Variants in PDCD11 observed in about 807,000 individuals in gnomAD.
The protein encoded by PDCD11 is programmed cell death 11.
PDCD11 carries 97 observed loss-of-function variants against 198.9 expected under a neutral mutation model. That is an observed-to-expected ratio of 0.49 (90% confidence interval 0.41 to 0.58). The LOEUF is 0.58. Among genes scored for constraint, PDCD11 ranks in the 20% least tolerant of loss-of-function variants. The pLI, the probability that PDCD11 is intolerant of heterozygous loss-of-function variation, is 0.00. For synonymous variants in PDCD11, 893 were observed against 918.0 expected (o/e 0.97, Z 0.49); for missense variants, 2,102 against 2,312.7 (o/e 0.91, Z 1.87).
chr10:103,424,486 G>A (rs940807388), intron 19 of PDCD11, among the ~76,000 whole-genome samples: 1 of 152,184 alleles, frequency 6.6e-6, no homozygotes, highest in Non-Finnish European at 1.5e-5. Context: ...GCATATAAGA[G>A]CATGAGCACA....
In PDCD11 at chr10:103,406,053, C is replaced by T. The variant is rs867576358; in HGVS notation, c.633C>T (p.Thr211=). 1 of 1,614,140 alleles carries T rather than the reference C, an allele frequency of 6.2e-7. No individual in the cohort carries two copies. The highest frequency in any genetic ancestry group is 2.2e-5 in the East Asian group (1 of 44,890). Residue 211 remains threonine (T), a synonymous_variant, in exon 6 of 36, where the codon ACC becomes ACT. Transcript: ENST00000369797. ...TAGTGGACATTGGTGTTGATGGGAC[C>T]AGAGCTTTTCTGCCACTGCTGAAAG... The part of the protein sequence containing the change: ...GYLVDIGVDG[T]RAFLPLLKAQ...
intron 31 of PDCD11, 62 bp from the exon 32 acceptor site, chr10:103,442,151 C>T: frequency 1.3e-6 from 2 of 1,595,854 alleles, no homozygotes. Flanking sequence ...TGACTTCCAC[C>T]ACAGACCTCC....
Position 103,445,658 on chromosome 10 carries a change from T to A in PDCD11, c.*109T>A. ...CCTCAGGACTCTATTTAAATGCTGC[T>A]TTTTCTGCAGCACGCTTGGGGAAAT... is the stretch of plus-strand genomic sequence containing the variant. On this transcript the variant is annotated 3_prime_UTR_variant, in exon 36 of 36. Transcript: ENST00000369797. 1.2e-6 allele frequency: 1 copy of A among 833,406 alleles called. No homozygotes were observed. The highest frequency in any genetic ancestry group is 1.9e-6 in the Non-Finnish European group (1 of 538,504). 51.6% of individuals were successfully genotyped at this position (833,406 alleles called of 1,614,324 possible). A position where few individuals can be genotyped will look rare whatever the true frequency, so the allele number is the denominator to read the frequency against.
At position 103,419,656 on chromosome 10, in the gene PDCD11, A is replaced by G. The variant is rs962659052; in HGVS notation, c.2225A>G (p.Tyr742Cys). The G allele has an allele frequency of 3.1e-6, 5 of 1,614,164 alleles. No homozygotes were observed. Among genetic ancestry groups the G allele is most frequent in the African/African-American group, 1.3e-5 (1 of 75,048 alleles). ...GGTTTTGTGAAGAGCATCAAGGACT[A>G]TGGCGTGTTCATCCAGTTCCCCTCA... is the stretch of plus-strand genomic sequence containing the variant. ...LIGFVKSIKD[Y>C]GVFIQFPSGL... Residue 742 changes from tyrosine to cysteine, a missense_variant, in exon 16 of 36, where the codon TAT becomes TGT. Coordinates refer to ENST00000369797, the MANE Select transcript of PDCD11 (RefSeq NM_014976.2).
intron 25 of PDCD11, among the ~76,000 whole-genome samples, chr10:103,436,245 C>T (rs764395161): frequency 2.6e-5 from 4 of 151,998 alleles, no homozygotes; most frequent in Non-Finnish European, 2.9e-5. Flanking sequence ...GGATTACAGG[C>T]GTTGTGTCAC....
intron 32 of PDCD11, 132 bp downstream of exon 32, chr10:103,442,592 C>T (rs2133755403): frequency 1.1e-6 from 1 of 881,462 alleles, no homozygotes. Context: ...CCCATGGGTC[C>T]TCAGGCTTTC....
At chr10:103,398,344 C>T in intron 1 of PDCD11, 72 bp from the exon 2 acceptor site, 1 of 897,194 alleles carries the variant, frequency 1.1e-6, no homozygotes, top group Non-Finnish European at 1.9e-6. Context: ...CTGTCTCTTG[C>T]CCGTTGATAA....
At chr10:103,411,529 C>G (rs1181191013) in intron 8 of PDCD11, among the ~76,000 whole-genome samples, 1 of 152,012 alleles carries the variant, frequency 6.6e-6, no homozygotes, top group Non-Finnish European at 1.5e-5. Flanking sequence ...CCACGCCCAG[C>G]TAATTTTTGC....
intron 16 of PDCD11, 24 bp downstream of exon 16, chr10:103,419,732 G>A: frequency 6.2e-7 from 1 of 1,609,520 alleles, no homozygotes; most frequent in Non-Finnish European, 8.5e-7. Context: ...CATGTACAAG[G>A]GCTTTGAGGA....
At position 103,415,121 on chromosome 10, in the gene PDCD11, G is replaced by A. The variant is rs1183271998; in HGVS notation, c.1488G>A (p.Lys496=). 1.2e-6 allele frequency: 2 copies of A among 1,614,024 alleles called. No individual in the cohort carries two copies. The highest frequency in any genetic ancestry group is 1.7e-6 in the Non-Finnish European group (2 of 1,180,046). ...TCCTGATGAAGAATCCGGAGAAGAAGTACCACATCGGGGATGAGGTCAAGT... is the reference window on the plus strand; with the variant it reads ...TCCTGATGAAGAATCCGGAGAAGAAATACCACATCGGGGATGAGGTCAAGT... ...ADILMKNPEK[K]YHIGDEVKCR... Residue 496 remains lysine (K), a synonymous_variant, in exon 12 of 36, where the codon AAG becomes AAA. Transcript: ENST00000369797.
At chr10:103,402,836 G>A (rs1193614536) in intron 3 of PDCD11, among the ~76,000 whole-genome samples, 1 of 152,074 alleles carries the variant, frequency 6.6e-6, no homozygotes, top group Non-Finnish European at 1.5e-5. Context: ...CAACCTCCTG[G>A]CTCAAGCGAT....
intron 5 of PDCD11, chr10:103,405,436 C>A: frequency 3.1e-6 from 1 of 318,984 alleles, no homozygotes; most frequent in Non-Finnish European, 5.8e-6. Context: ...CGGAGTTTCG[C>A]TGTTGTTGCC....
chr10:103,443,912 C>T lies in PDCD11; in HGVS notation c.5125-3C>T. 6.2e-7 allele frequency: 1 copy of T among 1,613,828 alleles called. No homozygotes were observed. Among genetic ancestry groups the T allele is most frequent in the Non-Finnish European group, 8.5e-7 (1 of 1,179,820 alleles). ...CCTCAGCGTGCCTCGTCTTTTCCCA[C>T]AGGAAGCTGGTGAACTCTACAACCG... On this transcript the variant is annotated splice_polypyrimidine_tract_variant and splice_region_variant and intron_variant, in intron 33 of 35. Transcript: ENST00000369797.
rs1236090439 is a variant in PDCD11, at chr10:103,413,219, G to A, written c.1082G>A (p.Cys361Tyr). The A allele has an allele frequency of 1.2e-6, 2 of 1,614,116 alleles. No individual in the cohort carries two copies. The highest frequency in any genetic ancestry group is 3.3e-5 in the Admixed American group (2 of 60,020). ...QPGRPLTRLS[C>Y]QNLGAVLDDV... ...GGACGCCCACTCACCCGACTCTCTT[G>A]CCAGAACCTTGGAGCAGTGCTGGAT... The change falls in exon 9 of 36, where the codon TGC becomes TAC. Residue 361 changes from cysteine (C) to tyrosine (Y), a missense_variant. Physicochemically the swap from Cys to Tyr is radical, Grantham distance 194. Coordinates refer to ENST00000369797, the MANE Select transcript of PDCD11 (RefSeq NM_014976.2).
intron 26 of PDCD11, 106 bp from the exon 27 acceptor site, chr10:103,438,580 C>A: frequency 6.9e-7 from 1 of 1,448,696 alleles, no homozygotes. Flanking sequence ...GCTGACAGGT[C>A]CAGAGTCATA....
At chr10:103,410,490 A>G (rs776684172) in intron 8 of PDCD11, among the ~76,000 whole-genome samples, 5 of 152,080 alleles carry the variant, frequency 3.3e-5, no homozygotes, top group Non-Finnish European at 7.4e-5. Flanking sequence ...GTTGTATAGT[A>G]TAGATCCAAC....
At chr10:103,436,945 G>T (rs2133744276) in intron 25 of PDCD11, among the ~76,000 whole-genome samples, 1 of 152,296 alleles carries the variant, frequency 6.6e-6, no homozygotes, top group African/African-American at 2.4e-5. Flanking sequence ...TGTCCCTCCT[G>T]GAAGCGCTGA....
chr10:103,397,211 CTT>C (rs11316851), intron 1 of PDCD11, among the ~76,000 whole-genome samples: 2,600 of 124,768 alleles, frequency 0.021, 23 homozygotes, highest in South Asian at 0.036. Flanking sequence ...CATTTGAATC[CTT>C]TTTTTTTTTT....
intron 16 of PDCD11, among the ~76,000 whole-genome samples, chr10:103,420,099 A>G (rs757502247): frequency 1.3e-5 from 2 of 151,802 alleles, no homozygotes; most frequent in Non-Finnish European, 2.9e-5. Context: ...CACCTGGCCA[A>G]GGATACTTTA....
Sources: gnomAD v4.1 joint callset for allele counts (sites outside exome capture counted in the v4.1 genomes callset) on GRCh38, gnomAD v4.1.1 for gene constraint, MANE v1.5 for transcripts, NCBI Gene and HGNC (gene_info 2026-07-23, HGNC 2026-07-21) for gene names.